The following HNRNPM variants were observed in gnomAD, a reference collection of about 807,000 sequenced individuals.
HNRNPM encodes the protein CEA receptor.
Under a neutral mutation model 73.1 loss-of-function variants are expected in HNRNPM, and 11 were observed. The observed-to-expected ratio is 0.15, with a 90% confidence interval of 0.09 to 0.25. The LOEUF is 0.25. Ranked by LOEUF, HNRNPM falls within the 10% of genes least tolerant of loss-of-function variation. HNRNPM has a pLI of 1.00. For missense variants in HNRNPM, 789 were observed against 1,067.9 expected, an observed-to-expected ratio of 0.74 and a Z score of 3.64; for synonymous variants, 407 against 355.2, an observed-to-expected ratio of 1.15 and a Z score of -1.64.
At chr19:8,445,542 A>G (rs7247181) in intron 1 of HNRNPM, 144,027 of 154,128 alleles carry the variant, frequency 0.93, 68,079 homozygotes, top group East Asian at 1. Flanking sequence ...GGGAGGAGAG[A>G]GGGTGCGCGC....
intron 12 of HNRNPM, among the ~76,000 whole-genome samples, chr19:8,480,576 T>C (rs564584351): frequency 1.2e-3 from 179 of 150,828 alleles, no homozygotes; most frequent in African/African-American, 3.8e-3. Context: ...TGAGGCAGAA[T>C]TGCTTGAACC....
intron 1 of HNRNPM, among the ~76,000 whole-genome samples, chr19:8,446,133 ATTTCATTG>A: frequency 6.6e-6 from 1 of 152,244 alleles, no homozygotes; most frequent in Admixed American, 6.5e-5. Flanking sequence ...CCAGACATTT[ATTTCATTG>A]TGGTAAAATA....
intron 1 of HNRNPM, among the ~76,000 whole-genome samples, chr19:8,453,667 G>A (rs796574201): frequency 3.9e-5 from 6 of 152,178 alleles, no homozygotes; most frequent in African/African-American, 1.4e-4. Flanking sequence ...TCTCACTGGC[G>A]GGACACACAG....
chr19:8,450,884 C>T (rs1968568272), intron 1 of HNRNPM, among the ~76,000 whole-genome samples: 1 of 150,986 alleles, frequency 6.6e-6, no homozygotes, highest in African/African-American at 2.4e-5. Flanking sequence ...CACCCGCCAC[C>T]ATGCCCGGCT....
intron 7 of HNRNPM, 83 bp downstream of exon 7, chr19:8,466,471 T>G (rs983040687): frequency 1.0e-5 from 14 of 1,346,396 alleles, no homozygotes; most frequent in Middle Eastern, 1.8e-4. Flanking sequence ...GAGGAAGAGG[T>G]GACTGTGTGT....
intron 12 of HNRNPM, among the ~76,000 whole-genome samples, chr19:8,476,576 AAAAG>A (rs59560554): frequency 0.44 from 46,075 of 104,758 alleles, 7,202 homozygotes; most frequent in Non-Finnish European, 0.53. Flanking sequence ...TAAAAAAAAA[AAAAG>A]AGAGATTGTT....
chr19:8,473,478 T>A (rs1013594872), intron 10 of HNRNPM, among the ~76,000 whole-genome samples, 186 bp from the exon 11 acceptor site: 1 of 151,934 alleles, frequency 6.6e-6, no homozygotes, highest in Non-Finnish European at 1.5e-5. Context: ...AAAAAATAGC[T>A]ATATGATATT....
At chr19:8,471,544 C>T (rs190659499) in intron 10 of HNRNPM, 117 bp downstream of exon 10, 5 of 475,862 alleles carry the variant, frequency 1.1e-5, no homozygotes, top group Non-Finnish European at 3.7e-6. Flanking sequence ...GACAAAATTC[C>T]CTCCTTATTC....
At chr19:8,457,891 G>A (rs1337984706) in intron 2 of HNRNPM, among the ~76,000 whole-genome samples, 1 of 152,280 alleles carries the variant, frequency 6.6e-6, no homozygotes, top group East Asian at 1.9e-4. Flanking sequence ...AACCCTAAAA[G>A]TATTAGTCTC....
In HNRNPM at chr19:8,465,409, G is replaced by C; in HGVS notation, c.524G>C (p.Gly175Ala). The stretch of plus-strand genomic sequence containing the variant: ...ATGGGTATGGGACCAGGTGGCCCAG[G>C]AATGATTACTATCCCACCCAGTATC... Reference protein sequence around the residue: ...GGMGMGPGGPGMITIPPSILN... With the variant: ...GGMGMGPGGPAMITIPPSILN... The change falls in exon 6 of 16, where the codon GGA (glycine) becomes GCA (alanine). Residue 175 changes from glycine to alanine, a missense_variant. By Grantham distance (60) the Gly-to-Ala change is moderately conservative. Transcript: ENST00000325495. 2 of 1,613,940 alleles carry C rather than the reference G, an allele frequency of 1.2e-6. No individual in the cohort carries two copies. Among genetic ancestry groups the C allele is most frequent in the Non-Finnish European group, 8.5e-7 (1 of 1,179,848 alleles).
chr19:8,465,622 G>A, intron 6 of HNRNPM, 107 bp downstream of exon 6: 3 of 821,800 alleles, frequency 3.7e-6, no homozygotes, highest in Non-Finnish European at 3.8e-6. Context: ...AAAATGTAAA[G>A]AAGGGTTTTG....
At chr19:8,465,665 C>T (rs777565403) in intron 6 of HNRNPM, 150 bp downstream of exon 6, 2 of 638,132 alleles carry the variant, frequency 3.1e-6, no homozygotes, top group Non-Finnish European at 5.2e-6. Context: ...GCCTTATAGG[C>T]GGGCTTTGTC....
chr19:8,469,409 C>T (rs928268283), intron 9 of HNRNPM, among the ~76,000 whole-genome samples: 1 of 152,294 alleles, frequency 6.6e-6, no homozygotes, highest in Non-Finnish European at 1.5e-5. Context: ...TGAAAATGTT[C>T]TGGAATTAAA....
intron 8 of HNRNPM, among the ~76,000 whole-genome samples, chr19:8,468,185 T>C (rs1219500716): frequency 2.0e-5 from 3 of 152,248 alleles, no homozygotes; most frequent in Admixed American, 2.0e-4. Flanking sequence ...TGGTTATATA[T>C]GTGGGGTTCC....
intron 15 of HNRNPM, chr19:8,487,328 C>T: frequency 1.3e-5 from 6 of 461,928 alleles, no homozygotes; most frequent in Middle Eastern, 6.2e-4. Flanking sequence ...AGTAGTGTCC[C>T]CATTTCACAG....
chr19:8,483,220 C>A lies in HNRNPM; in HGVS notation c.1174+9C>A, dbSNP rs776957441. The A allele has an allele frequency of 6.2e-7, 1 of 1,605,170 alleles. No homozygotes were observed. The highest frequency in any genetic ancestry group is 8.5e-7 in the Non-Finnish European group (1 of 1,172,168). On this transcript the variant is annotated intron_variant, in intron 13 of 15. Coordinates refer to ENST00000325495, the MANE Select transcript of HNRNPM (RefSeq NM_005968.5). ...TGCAAAGCAGGGAGGAGGTAGGAAC[C>A]GCTTAGTTTGATGTTTTGTTTTTTT...
chr19:8,477,916 T>G (rs749702963), intron 12 of HNRNPM, among the ~76,000 whole-genome samples: 1 of 152,234 alleles, frequency 6.6e-6, no homozygotes, highest in Non-Finnish European at 1.5e-5. Context: ...TTGGTCAAGT[T>G]ACTAAATTGT....
rs1968029118 is a variant in HNRNPM at position 8,445,045 on chromosome 19, T to A, written c.47T>A (p.Ile16Asn). Reference sequence around the variant, plus strand: ...GCGGCGGAGGTGGCGGCGACGGAGATCAAAATGGAGGAAGAGAGCGGCGCG... The same window carrying A: ...GCGGCGGAGGTGGCGGCGACGGAGAACAAAATGGAGGAAGAGAGCGGCGCG... ...EAAAEVAATEIKMEEESGAPG... is the reference protein window; with the variant it reads ...EAAAEVAATENKMEEESGAPG... The change falls in exon 1 of 16, where the codon ATC becomes AAC. Residue 16 changes from isoleucine (I) to asparagine (N), a missense_variant. Transcript: ENST00000325495. 1.4e-6 allele frequency: 2 copies of A among 1,427,618 alleles called. No individual in the cohort carries two copies. The highest frequency in any genetic ancestry group is 1.8e-6 in the Non-Finnish European group (2 of 1,094,056). The allele number at this position is 1,427,618 out of a possible 1,614,324, so 88.4% of individuals were successfully genotyped here. A position where few individuals can be genotyped will look rare whatever the true frequency, so the allele number is the denominator to read the frequency against.
chr19:8,465,605 G>T (rs1969689895), intron 6 of HNRNPM, 90 bp downstream of exon 6: 1 of 913,266 alleles, frequency 1.1e-6, no homozygotes, highest in African/African-American at 1.7e-5. Context: ...TCTCACATTT[G>T]AGAAGAAAAA....
Sources: gnomAD v4.1 joint callset for allele counts (sites outside exome capture counted in the v4.1 genomes callset) on GRCh38, gnomAD v4.1.1 for gene constraint, MANE v1.5 for transcripts, NCBI Gene and HGNC (gene_info 2026-07-23, HGNC 2026-07-21) for gene names.